Variants in ANXA2 observed in about 807,000 individuals in gnomAD.
ANXA2 encodes the protein annexin II.
ANXA2 carries 28 observed loss-of-function variants against 47.3 expected under a neutral mutation model. That is an observed-to-expected ratio of 0.59 (90% CI 0.44 to 0.81). The LOEUF (loss-of-function observed/expected upper bound fraction) is 0.81. Ranked by LOEUF, ANXA2 falls within the 40% of genes least tolerant of loss-of-function variation. ANXA2 has a pLI of 0.00. For missense variants in ANXA2, 384 were observed against 414.3 expected (o/e 0.93, Z 0.64); for synonymous variants, 172 against 155.5 (o/e 1.11, Z -0.79).
chr15:60,390,130 A>G (rs879636057), intron 1 of ANXA2: 3 of 248,918 alleles, frequency 1.2e-5, no homozygotes, highest in Non-Finnish European at 1.3e-5. Context: ...GCTATTTTGC[A>G]TAACATTTAT....
intron 1 of ANXA2, among the ~76,000 whole-genome samples, chr15:60,389,391 G>T (rs952630947): frequency 1.3e-5 from 2 of 152,172 alleles, no homozygotes; most frequent in South Asian, 4.1e-4. Flanking sequence ...TTTTCATTGT[G>T]TTGTTCTTTC....
intron 2 of ANXA2, 84 bp from the exon 3 acceptor site, chr15:60,382,525 T>C (rs2062876940): frequency 1.0e-6 from 1 of 991,560 alleles, no homozygotes; most frequent in Non-Finnish European, 1.5e-6. Flanking sequence ...TGTTTTCCTA[T>C]TGTTTCTTTT....
intron 1 of ANXA2, chr15:60,393,549 A>G (rs1275382683): frequency 1.0e-6 from 1 of 985,538 alleles, no homozygotes; most frequent in East Asian, 1.1e-4. Context: ...CGCATCCTGC[A>G]CAGAAGAGTT....
chr15:60,367,112 G>C (rs868328184), intron 3 of ANXA2, among the ~76,000 whole-genome samples: 2,774 of 26,992 alleles, frequency 0.1, 632 homozygotes, highest in Admixed American at 0.2. Flanking sequence ...CCATCCGGGA[G>C]GGAGGTGGGG....
intron 2 of ANXA2, chr15:60,384,302 T>C (rs546940910): frequency 3.3e-5 from 5 of 152,386 alleles, no homozygotes; most frequent in Non-Finnish European, 5.9e-5. Context: ...CCAGGAGATA[T>C]GTCGTCTTGT....
At chr15:60,373,154 T>C (rs751808334) in intron 3 of ANXA2, among the ~76,000 whole-genome samples, 2 of 152,202 alleles carry the variant, frequency 1.3e-5, no homozygotes, top group African/African-American at 4.8e-5. Flanking sequence ...CTACAAAGGA[T>C]ATGGTACAAT....
At chr15:60,357,092 T>A in intron 6 of ANXA2, 54 bp downstream of exon 6, 1 of 1,532,132 alleles carries the variant, frequency 6.5e-7, no homozygotes, top group South Asian at 1.1e-5. Flanking sequence ...GTGGCCATGA[T>A]AGAGTCACAT....
At position 60,382,366 on chromosome 15, in the gene ANXA2, T is replaced by G. The variant is rs754495403; in HGVS notation, c.124A>C (p.Ile42Leu). 15 of 1,613,822 alleles carry G rather than the reference T, an allele frequency of 9.3e-6. No homozygotes were observed. In the Admixed American group the frequency reaches 2.5e-4, roughly 27 times the overall value. The change falls in exon 3 of 13, where the codon ATT becomes CTT. Residue 42 changes from isoleucine (I) to leucine (L), a missense_variant. Transcript: ENST00000451270. ...NFDAERDALN[I>L]ETAIKTKGVD... is the part of the protein sequence containing the mutation. Reference sequence around the variant, plus strand: ...CCTTTGGTCTTGATGGCTGTTTCAATGTTCAAAGCATCCCGCTCAGCATCA... The same window carrying G: ...CCTTTGGTCTTGATGGCTGTTTCAAGGTTCAAAGCATCCCGCTCAGCATCA...
chr15:60,348,935 G>T, intron 12 of ANXA2, 140 bp downstream of exon 12: 1 of 897,902 alleles, frequency 1.1e-6, no homozygotes, highest in Non-Finnish European at 1.7e-6. Flanking sequence ...ATAAATCCCT[G>T]ATAGTTGATG....
At chr15:60,351,154 G>C (rs1895990447) in intron 11 of ANXA2, 39 bp downstream of exon 11, 1 of 1,606,800 alleles carries the variant, frequency 6.2e-7, no homozygotes, top group African/African-American at 1.3e-5. Context: ...AAGAAAAGCT[G>C]AGTGTGGAAA....
chr15:60,352,347 C>A lies in ANXA2; in HGVS notation c.682+36G>T. The A allele has an allele frequency of 1.3e-6, 2 of 1,517,446 alleles. No individual in the cohort carries two copies. The highest frequency in any genetic ancestry group is 9.1e-7 in the Non-Finnish European group (1 of 1,098,080). The allele number at this position is 1,517,446 out of a possible 1,614,324, so 94.0% of individuals were successfully genotyped here. Reference sequence around the variant, plus strand: ...TCCACCCAGCCGCCCCAGCCAGGGCCCCAAGGCACTGAGACTCCCTCAGCA... The same window carrying A: ...TCCACCCAGCCGCCCCAGCCAGGGCACCAAGGCACTGAGACTCCCTCAGCA... On this transcript the variant is annotated intron_variant, in intron 9 of 12. Transcript: ENST00000451270. The surrounding 1 kb of genome is among the most constrained non-coding windows in gnomAD (Gnocchi z 4.2).
intron 12 of ANXA2, among the ~76,000 whole-genome samples, chr15:60,348,745 C>CAAAAAAAA (rs35692360): frequency 8.3e-6 from 1 of 119,832 alleles, no homozygotes; most frequent in Non-Finnish European, 1.8e-5. Context: ...GACTCCGTCT[C>CAAAAAAAA]AAAAAAAAAA....
At chr15:60,354,438 G>A (rs1337248638) in intron 7 of ANXA2, among the ~76,000 whole-genome samples, 3 of 151,996 alleles carry the variant, frequency 2.0e-5, no homozygotes, top group African/African-American at 7.3e-5. Context: ...TCAGGAGATG[G>A]AGACCAACCT....
intron 1 of ANXA2, among the ~76,000 whole-genome samples, chr15:60,390,869 G>A (rs1344305989): frequency 6.6e-6 from 1 of 152,220 alleles, no homozygotes; most frequent in African/African-American, 2.4e-5. Flanking sequence ...GCGATTCACT[G>A]TTTGTTAAAA....
At chr15:60,397,773 C>T in intron 1 of ANXA2, 170 bp downstream of exon 1, 2 of 1,121,362 alleles carry the variant, frequency 1.8e-6, no homozygotes, top group Non-Finnish European at 2.3e-6. Flanking sequence ...GTCCCTGAGC[C>T]CCCTCCCCAA....
At chr15:60,373,634 C>G (rs374089501) in intron 3 of ANXA2, among the ~76,000 whole-genome samples, 2 of 152,188 alleles carry the variant, frequency 1.3e-5, no homozygotes, top group Non-Finnish European at 1.5e-5. Flanking sequence ...GTAGCAGCCA[C>G]AATATAGTGC....
chr15:60,364,090 G>A (rs927166166), intron 4 of ANXA2, among the ~76,000 whole-genome samples: 55 of 152,216 alleles, frequency 3.6e-4, no homozygotes, highest in Non-Finnish European at 7.1e-4. Context: ...ACTCTAAAGC[G>A]AGCGTGACCA....
intron 3 of ANXA2, among the ~76,000 whole-genome samples, chr15:60,372,787 G>C (rs1395052226): frequency 6.6e-6 from 1 of 150,460 alleles, no homozygotes; most frequent in East Asian, 2.0e-4. Context: ...TCGACCTCCT[G>C]GGCCCAAATG....
intron 11 of ANXA2, among the ~76,000 whole-genome samples, chr15:60,350,744 A>C (rs1895971195): frequency 6.8e-6 from 1 of 146,664 alleles, no homozygotes; most frequent in African/African-American, 2.6e-5. Flanking sequence ...AGGTATTCTG[A>C]GCTCCATCTC....
Sources: gnomAD v4.1 joint callset for allele counts (sites outside exome capture counted in the v4.1 genomes callset) on GRCh38, gnomAD v4.1.1 for gene constraint, Gnocchi (gnomAD v3.1) non-coding constraint, MANE v1.5 for transcripts, NCBI Gene and HGNC (gene_info 2026-07-23, HGNC 2026-07-21) for gene names.